The following SLC35F1 variants were observed in gnomAD, a reference collection of about 807,000 sequenced individuals.
SLC35F1 encodes the protein solute carrier family 35 member F1.
In SLC35F1, 14 loss-of-function variants were observed where a neutral mutation model predicts 48.7. That is an observed-to-expected ratio of 0.29 (90% CI 0.19 to 0.45). SLC35F1 has a LOEUF of 0.45. Ranked by LOEUF, SLC35F1 falls within the 20% of genes least tolerant of loss-of-function variation. The pLI, the probability that SLC35F1 is intolerant of heterozygous loss-of-function variation, is 1.00. For synonymous variants in SLC35F1, 190 were observed against 202.2 expected, an observed-to-expected ratio of 0.94 and a Z score of 0.51; for missense variants, 404 against 500.0, an observed-to-expected ratio of 0.81 and a Z score of 1.83.
chr6:118,034,112 A>G (rs1022045284), intron 1 of SLC35F1, among the ~76,000 whole-genome samples: 17 of 152,226 alleles, frequency 1.1e-4, no homozygotes, highest in African/African-American at 4.1e-4. Flanking sequence ...TAAACTTGTT[A>G]TCCTAGCAAG....
Position 118,039,799 on chromosome 6 carries a change from G to GTTTTTT in SLC35F1, c.174-114643_174-114638dup, listed in dbSNP as rs149879230. ...TTTAACATCTAAGCATCTCAGGATTGTTTTTTTTGTTTTTTTTTTTTGCTT... is the reference window on the plus strand; with the variant it reads ...TTTAACATCTAAGCATCTCAGGATTGTTTTTTTTTTTTTTGTTTTTTTTTTTTGCTT... On this transcript the variant is annotated intron_variant, in intron 1 of 7. Coordinates refer to ENST00000360388, the MANE Select transcript of SLC35F1 (RefSeq NM_001029858.4). Among the ~76,000 whole-genome samples, 387 of 106,728 alleles carry GTTTTTT rather than the reference G, an allele frequency of 3.6e-3. 37 individuals are homozygous for GTTTTTT. The highest frequency in any genetic ancestry group is 8.1e-3 in the African/African-American group (249 of 30,800). The allele number at this position is 106,728 out of a possible 152,430, so 70.0% of individuals were successfully genotyped here.
intron 3 of SLC35F1, among the ~76,000 whole-genome samples, chr6:118,254,995 C>T (rs1272473247): frequency 1.3e-5 from 2 of 152,146 alleles, no homozygotes; most frequent in Non-Finnish European, 2.9e-5. Flanking sequence ...CACCCCCAAC[C>T]AGTGACCATT....
rs1230496685 is a variant in SLC35F1, at chr6:117,929,451, T to TTG, written c.173+21553_173+21554insGT. ...CACATTTGTATATATGTGTATGTATTTATGTGTGTGTGTGTGTGTGTGTGT... is the reference window on the plus strand; with the variant it reads ...CACATTTGTATATATGTGTATGTATTTGTATGTGTGTGTGTGTGTGTGTGTGT... On this transcript the variant is annotated intron_variant, in intron 1 of 7. Coordinates refer to ENST00000360388, the MANE Select transcript of SLC35F1 (RefSeq NM_001029858.4). Among the ~76,000 whole-genome samples, 74 of 88,586 alleles carry TTG rather than the reference T, an allele frequency of 8.4e-4. 1 individual carries two copies. The highest frequency in any genetic ancestry group is 2.9e-3 in the African/African-American group (72 of 24,882). The allele number at this position is 88,586 out of a possible 152,430, so 58.1% of individuals were successfully genotyped here. A position where few individuals can be genotyped will look rare whatever the true frequency, so the allele number is the denominator to read the frequency against.
chr6:118,053,940 A>G (rs779681848), intron 1 of SLC35F1, among the ~76,000 whole-genome samples: 2 of 152,190 alleles, frequency 1.3e-5, no homozygotes, highest in Admixed American at 6.5e-5. Flanking sequence ...GTTATTAGCA[A>G]TATATTTCTG....
At position 118,098,387 on chromosome 6, in the gene SLC35F1, T is replaced by A. The variant is rs1398312263; in HGVS notation, c.174-56058T>A. ...AGTGCTGTCTTCACTATCCCATTCT[T>A]CCAGTGGCAATAATTCCTTGAGCCA... On this transcript the variant is annotated intron_variant, in intron 1 of 7. Transcript: ENST00000360388. Among the ~76,000 whole-genome samples the A allele has an allele frequency of 3.3e-5, 5 of 152,164 alleles. No individual in the cohort carries two copies. In the East Asian group the frequency reaches 9.6e-4, roughly 29 times the overall value.
At chr6:118,252,444 A>G (rs778871603) in intron 3 of SLC35F1, among the ~76,000 whole-genome samples, 1 of 152,124 alleles carries the variant, frequency 6.6e-6, no homozygotes, top group South Asian at 2.1e-4. Context: ...TCACCGGGGG[A>G]ATGGTTGTGC....
At position 118,071,136 on chromosome 6, in the gene SLC35F1, T is replaced by C. The variant is rs1406733920; in HGVS notation, c.174-83309T>C. On this transcript the variant is annotated intron_variant, in intron 1 of 7. Coordinates refer to ENST00000360388, the MANE Select transcript of SLC35F1 (RefSeq NM_001029858.4). ...ATATATACATATATACATATATACA[T>C]ATATATACATTCTATGTATATACAC... Among the ~76,000 whole-genome samples the C allele has an allele frequency of 3.1e-4, 39 of 124,656 alleles. 1 individual carries two copies. The highest frequency in any genetic ancestry group is 1.4e-3 in the East Asian group (6 of 4,180). The allele number at this position is 124,656 out of a possible 152,430, so 81.8% of individuals were successfully genotyped here.
At chr6:118,165,681 G>C (rs1031321766) in intron 2 of SLC35F1, among the ~76,000 whole-genome samples, 2 of 152,128 alleles carry the variant, frequency 1.3e-5, no homozygotes, top group East Asian at 3.9e-4. Flanking sequence ...ATTTCCATTT[G>C]GCCTGCTGAC....
At chr6:118,295,177 G>C (rs1013366460) in intron 7 of SLC35F1, among the ~76,000 whole-genome samples, 1 of 152,010 alleles carries the variant, frequency 6.6e-6, no homozygotes, top group African/African-American at 2.4e-5. Context: ...GTTGTTATAA[G>C]AGATTTGGCA....
chr6:118,017,176 C>T (rs1031043337), intron 1 of SLC35F1, among the ~76,000 whole-genome samples: 1 of 152,216 alleles, frequency 6.6e-6, no homozygotes, highest in Non-Finnish European at 1.5e-5. Flanking sequence ...TGTTGCCTCA[C>T]TTAGGCCTGG....
At chr6:118,124,219 A>G (rs1301203611) in intron 1 of SLC35F1, among the ~76,000 whole-genome samples, 1 of 152,144 alleles carries the variant, frequency 6.6e-6, no homozygotes, top group Non-Finnish European at 1.5e-5. Context: ...AACTTCTCTG[A>G]ATTTTATTTC....
intron 1 of SLC35F1, among the ~76,000 whole-genome samples, chr6:118,047,809 A>G (rs1028216504): frequency 2.6e-5 from 4 of 152,276 alleles, no homozygotes; most frequent in Non-Finnish European, 4.4e-5. Flanking sequence ...GGAGTGGATA[A>G]AGACAAAGAA....
chr6:118,010,207 T>C (rs544539788), intron 1 of SLC35F1, among the ~76,000 whole-genome samples: 140 of 152,274 alleles, frequency 9.2e-4, no homozygotes, highest in African/African-American at 3.3e-3. Flanking sequence ...TCCAAGAAGG[T>C]CTTTATATCC....
At chr6:117,932,178 C>T (rs1034563339) in intron 1 of SLC35F1, among the ~76,000 whole-genome samples, 1 of 152,182 alleles carries the variant, frequency 6.6e-6, no homozygotes, top group Non-Finnish European at 1.5e-5. Flanking sequence ...AAGCAGAGAG[C>T]AGCGCTCACT....
intron 2 of SLC35F1, among the ~76,000 whole-genome samples, chr6:118,191,733 A>T (rs1437313216): frequency 6.6e-6 from 1 of 152,170 alleles, no homozygotes; most frequent in Non-Finnish European, 1.5e-5. Context: ...GTAGCATAAT[A>T]ATCTACTGTT....
intron 1 of SLC35F1, among the ~76,000 whole-genome samples, chr6:117,951,172 A>G (rs1776358573): frequency 6.6e-6 from 1 of 152,212 alleles, no homozygotes; most frequent in Non-Finnish European, 1.5e-5. Context: ...GAATCCTTCC[A>G]GAATGTACTG....
chr6:118,126,283 A>G (rs1025396964), intron 1 of SLC35F1, among the ~76,000 whole-genome samples: 2 of 152,188 alleles, frequency 1.3e-5, no homozygotes, highest in African/African-American at 2.4e-5. Context: ...CATAGATCAG[A>G]TAGTTGTAGA....
intron 1 of SLC35F1, among the ~76,000 whole-genome samples, chr6:118,122,849 C>G (rs1773572314): frequency 6.6e-6 from 1 of 152,146 alleles, no homozygotes; most frequent in Non-Finnish European, 1.5e-5. Context: ...CTAATAGAGG[C>G]CCAGTGATGA....
intron 1 of SLC35F1, among the ~76,000 whole-genome samples, chr6:117,919,105 C>T (rs1775864145): frequency 6.6e-6 from 1 of 151,872 alleles, no homozygotes; most frequent in Non-Finnish European, 1.5e-5. Flanking sequence ...TGCAATGTTC[C>T]CCAGGCTGGT....
Sources: gnomAD v4.1 joint callset for allele counts (sites outside exome capture counted in the v4.1 genomes callset) on GRCh38, gnomAD v4.1.1 for gene constraint, MANE v1.5 for transcripts, NCBI Gene and HGNC (gene_info 2026-07-23, HGNC 2026-07-21) for gene names.